The following TOR1AIP2 variants were observed in gnomAD, a reference collection of about 807,000 sequenced individuals.
The protein encoded by TOR1AIP2 is torsin-1A-interacting protein 2.
Under a neutral mutation model 32.6 loss-of-function variants are expected in TOR1AIP2, and 20 were observed. The observed-to-expected ratio is 0.61, with a 90% CI of 0.43 to 0.89. The LOEUF is 0.89. Among genes scored for constraint, TOR1AIP2 ranks in the 40% least tolerant of loss-of-function variants. TOR1AIP2 has a pLI of 0.00. For missense variants in TOR1AIP2, 456 were observed against 553.8 expected, an observed-to-expected ratio of 0.82 and a Z score of 1.77; for synonymous variants, 214 against 210.8, an observed-to-expected ratio of 1.02 and a Z score of -0.13.
intron 3 of TOR1AIP2, chr1:179,863,978 G>A: frequency 2.0e-6 from 2 of 985,376 alleles, no homozygotes; most frequent in Non-Finnish European, 2.4e-6. Flanking sequence ...TATGAAGTCA[G>A]GCTTGATAAT....
chr1:179,869,765 G>A (rs558651569), intron 2 of TOR1AIP2, among the ~76,000 whole-genome samples: 5 of 152,294 alleles, frequency 3.3e-5, no homozygotes, highest in Non-Finnish European at 5.9e-5. Flanking sequence ...TAGGGAAGTT[G>A]CTATTTCACA....
chr1:179,846,724 C>A lies in TOR1AIP2; in HGVS notation c.760G>T (p.Ala254Ser), dbSNP rs1455572894. 1.2e-6 allele frequency: 2 copies of A among 1,614,012 alleles called. No homozygotes were observed. The highest frequency in any genetic ancestry group is 1.7e-5 in the Admixed American group (1 of 60,018). The change falls in exon 7 of 7, where the codon GCC becomes TCC. Residue 254 changes from alanine to serine, a missense_variant. Transcript: ENST00000609928. ...AATTGGCTAAACTGGGCCAAAAAGG[C>A]CTCCAAAGCTGGATTTTTGGGCACT... ...QQVPKNPALE[A>S]FLAQFSQLED...
intron 3 of TOR1AIP2, among the ~76,000 whole-genome samples, chr1:179,855,242 T>C (rs1281430): frequency 0.43 from 66,086 of 152,036 alleles, 15,654 homozygotes; most frequent in African/African-American, 0.63. Flanking sequence ...AATGTGACCC[T>C]ATTAAAAAAT....
rs942043421 is a variant in TOR1AIP2, at chr1:179,842,245, G to A, written c.*3826C>T. 3 of 151,684 alleles carry A rather than the reference G, an allele frequency of 2.0e-5. No homozygotes were observed. The highest frequency in any genetic ancestry group is 7.3e-5 in the African/African-American group (3 of 41,256). The allele number at this position is 151,684 out of a possible 1,614,324, so 9.4% of individuals were successfully genotyped here. ...GTTAAAGGGTCAAAACCATCTCAGC[G>A]GCTAGCACTATTTAGTGGAGTCACT... is the stretch of plus-strand genomic sequence containing the variant. On this transcript the variant is annotated 3_prime_UTR_variant, in exon 7 of 7. Transcript: ENST00000609928.
intron 3 of TOR1AIP2, chr1:179,859,181 T>C (rs1558017617): frequency 2.0e-6 from 2 of 984,838 alleles, no homozygotes; most frequent in Non-Finnish European, 2.4e-6. Context: ...ATAAAGCATA[T>C]ACAACAACTA....
At chr1:179,874,294 G>A (rs1184534919) in intron 2 of TOR1AIP2, 1 of 152,238 alleles carries the variant, frequency 6.6e-6, no homozygotes, top group Non-Finnish European at 1.5e-5. Context: ...TGTGCCTGCA[G>A]TCTCAGTTAT....
chr1:179,862,351 C>T (rs1410852010), intron 3 of TOR1AIP2: 1 of 985,144 alleles, frequency 1.0e-6, no homozygotes, highest in Non-Finnish European at 1.2e-6. Flanking sequence ...AGCACTCTCT[C>T]AAAGTAAATT....
rs1035847655 is a variant in TOR1AIP2, at chr1:179,863,058, T to G, written c.-147+2378A>C. On this transcript the variant is annotated intron_variant, in intron 3 of 6. Coordinates refer to ENST00000609928, the MANE Select transcript of TOR1AIP2 (RefSeq NM_001199260.2). ...TGGCCAACAATGGTGAAACCCCATC[T>G]CTACTAAAAATACAAAAATTAGCCA... The G allele has an allele frequency of 1.3e-4, 23 of 170,830 alleles. 1 individual carries two copies. The highest frequency in any genetic ancestry group is 7.7e-4 in the South Asian group (4 of 5,176). The allele number at this position is 170,830 out of a possible 1,614,324, so 10.6% of individuals were successfully genotyped here. A position where few individuals can be genotyped will look rare whatever the true frequency, so the allele number is the denominator to read the frequency against.
At chr1:179,865,030 A>AC in intron 3 of TOR1AIP2, 5 of 1,614,052 alleles carry the variant, frequency 3.1e-6, no homozygotes, top group Non-Finnish European at 3.4e-6. Context: ...AACACTCAGG[A>AC]CAATAATCAG....
intron 2 of TOR1AIP2, chr1:179,874,773 C>G (rs1165416576): frequency 1.3e-5 from 2 of 152,000 alleles, no homozygotes; most frequent in Non-Finnish European, 2.9e-5. Flanking sequence ...AAAAAAGAAA[C>G]AAACAAAAAA....
Position 179,850,895 on chromosome 1 carries a change from C to A in TOR1AIP2, c.503G>T (p.Ser168Ile). Residue 168 changes from serine to isoleucine, a missense_variant, in exon 5 of 7, where the codon AGT becomes ATT. By Grantham distance (142) the Ser-to-Ile change is moderately radical. Coordinates refer to ENST00000609928, the MANE Select transcript of TOR1AIP2 (RefSeq NM_001199260.2). ...TGTATCCTCACCCTCTTGCCCTGCA[C>A]TGGAATGACCAGGACTCTGGGCCTC... is the stretch of plus-strand genomic sequence containing the variant. ...SQEAQSPGHSSAGQEGEDTLR... is the reference protein window; with the variant it reads ...SQEAQSPGHSIAGQEGEDTLR... 2 of 1,614,208 alleles carry A rather than the reference C, an allele frequency of 1.2e-6. No individual in the cohort carries two copies. The highest frequency in any genetic ancestry group is 8.5e-7 in the Non-Finnish European group (1 of 1,180,020).
chr1:179,869,947 ATTAAC>A (rs1202300648), intron 2 of TOR1AIP2, among the ~76,000 whole-genome samples: 1 of 152,210 alleles, frequency 6.6e-6, no homozygotes, highest in East Asian at 1.9e-4. Context: ...CTTTATTCGT[ATTAAC>A]TCATTTAATC....
chr1:179,861,719 T>G (rs1296550953), intron 3 of TOR1AIP2: 1 of 985,260 alleles, frequency 1.0e-6, no homozygotes, highest in Non-Finnish European at 1.2e-6. Flanking sequence ...AATGGTACTA[T>G]CTTGCAGTAC....
Position 179,844,914 on chromosome 1 carries a change from TGAAA to T in TOR1AIP2, c.*1153_*1156del, listed in dbSNP as rs920389889. 2 of 152,206 alleles carry T rather than the reference TGAAA, an allele frequency of 1.3e-5. No homozygotes were observed. Among genetic ancestry groups the T allele is most frequent in the African/African-American group, 4.8e-5 (2 of 41,450 alleles). The allele number at this position is 152,206 out of a possible 1,614,324, so 9.4% of individuals were successfully genotyped here. On this transcript the variant is annotated 3_prime_UTR_variant, in exon 7 of 7. Transcript: ENST00000609928. ...AATTGGTTATTAAAATCTGTTCTGC[TGAAA>T]GAGTCTACAAACTCTTACCCTAGAC...
At chr1:179,857,491 G>A (rs1483274567) in intron 3 of TOR1AIP2, among the ~76,000 whole-genome samples, 1 of 151,134 alleles carries the variant, frequency 6.6e-6, no homozygotes, top group Non-Finnish European at 1.5e-5. Flanking sequence ...AACTGCTTGG[G>A]ACACAGATTT....
intron 3 of TOR1AIP2, chr1:179,861,677 ATC>A (rs918745801): frequency 1.1e-5 from 11 of 985,252 alleles, no homozygotes; most frequent in South Asian, 4.7e-5. Context: ...CTGACATGAA[ATC>A]TCTTTTTACA....
At position 179,851,018 on chromosome 1, in the gene TOR1AIP2, C is replaced by T. The variant is rs375587727; in HGVS notation, c.380G>A (p.Arg127Lys). The change falls in exon 5 of 7, where the codon AGA becomes AAA. Residue 127 changes from arginine to lysine, a missense_variant. Coordinates refer to ENST00000609928, the MANE Select transcript of TOR1AIP2 (RefSeq NM_001199260.2). ...PSHSPSDKVGRADAHLGSSSV... is the reference protein window; with the variant it reads ...PSHSPSDKVGKADAHLGSSSV... ...GCTGCTCCCTAAGTGTGCATCTGCT[C>T]TTCCTACCTTGTCACTTGGAGAATG... is the stretch of plus-strand genomic sequence containing the variant. 29 of 1,614,106 alleles carry T rather than the reference C, an allele frequency of 1.8e-5. No individual in the cohort carries two copies. Among genetic ancestry groups the T allele is most frequent in the Middle Eastern group, 1.6e-4 (1 of 6,084 alleles).
Position 179,863,377 on chromosome 1 carries a change from G to A in TOR1AIP2, c.-147+2059C>T, listed in dbSNP as rs1034888228. ...ATGAGATGTAAGAAGAAATTTGCTA[G>A]GGATTTTTGGGAAAGACTTGATTCC... On this transcript the variant is annotated intron_variant, in intron 3 of 6. Transcript: ENST00000609928. 6.1e-6 allele frequency: 6 copies of A among 985,176 alleles called. No individual in the cohort carries two copies. The African/African-American group carries it at 1.0e-4, about 17-fold the overall frequency. The allele number at this position is 985,176 out of a possible 1,614,324, so 61.0% of individuals were successfully genotyped here.
rs1196145602 is a variant in TOR1AIP2, at chr1:179,845,837, C to A, written c.*234G>T. 14 of 454,636 alleles carry A rather than the reference C, an allele frequency of 3.1e-5. No homozygotes were observed. The highest frequency in any genetic ancestry group is 5.0e-5 in the Non-Finnish European group (13 of 261,780). 28.2% of individuals were successfully genotyped at this position (454,636 alleles called of 1,614,324 possible). A position where few individuals can be genotyped will look rare whatever the true frequency, so the allele number is the denominator to read the frequency against. On this transcript the variant is annotated 3_prime_UTR_variant, in exon 7 of 7. Transcript: ENST00000609928. Reference sequence around the variant, plus strand: ...TCATATATATCATCGATATTTCAAACCTGATTTGGTCCAAAGAAAAAAAGT... The same window carrying A: ...TCATATATATCATCGATATTTCAAAACTGATTTGGTCCAAAGAAAAAAAGT...
Sources: gnomAD v4.1 joint callset for allele counts (sites outside exome capture counted in the v4.1 genomes callset) on GRCh38, gnomAD v4.1.1 for gene constraint, MANE v1.5 for transcripts, NCBI Gene and HGNC (gene_info 2026-07-23, HGNC 2026-07-21) for gene names.